DTL: variants seen among roughly 807,000 people sequenced by gnomAD.
DTL encodes denticleless E3 ubiquitin protein ligase adapter.
DTL carries 46 observed loss-of-function variants against 87.0 expected under a neutral mutation model. That is an observed-to-expected ratio of 0.53 (90% CI 0.42 to 0.68). DTL has a LOEUF of 0.68. DTL is among the 30% of genes least tolerant of loss of function. The probability of loss-of-function intolerance (pLI) is 0.00; values close to 1 mark genes in which losing one functional copy is unlikely to be tolerated. For synonymous variants in DTL, 308 were observed against 311.2 expected, an observed-to-expected ratio of 0.99 and a Z score of 0.11; for missense variants, 737 against 869.4, an observed-to-expected ratio of 0.85 and a Z score of 1.91.
chr1:212,068,506 T>C (rs2248191), intron 9 of DTL, 93 bp from the exon 10 acceptor site: 69,563 of 893,964 alleles, frequency 0.078, 7,736 homozygotes, highest in East Asian at 0.52. Flanking sequence ...CTGATGATGA[T>C]TCTTATGAAA....
At chr1:212,092,397 G>T (rs933495402) in intron 13 of DTL, among the ~76,000 whole-genome samples, 3 of 152,124 alleles carry the variant, frequency 2.0e-5, no homozygotes, top group Admixed American at 1.3e-4. Flanking sequence ...AGGTGTGGTG[G>T]TGCATGCCTG....
At chr1:212,047,010 T>G in intron 3 of DTL, 141 bp from the exon 4 acceptor site, 2 of 704,350 alleles carry the variant, frequency 2.8e-6, no homozygotes, top group Non-Finnish European at 4.8e-6. Context: ...GATATCTCAT[T>G]GTGGTTTTGA....
At chr1:212,060,775 A>C (rs1654264790) in intron 5 of DTL, among the ~76,000 whole-genome samples, 2 of 152,054 alleles carry the variant, frequency 1.3e-5, no homozygotes, top group Non-Finnish European at 2.9e-5. Flanking sequence ...ATAAAGACTT[A>C]AATGTAAGAC....
chr1:212,037,970 C>T (rs1054830536), intron 1 of DTL, among the ~76,000 whole-genome samples: 1 of 152,202 alleles, frequency 6.6e-6, no homozygotes, highest in Non-Finnish European at 1.5e-5. Context: ...TTCTGACACA[C>T]TTATTCCAGC....
chr1:212,045,565 T>C (rs1667783909), intron 3 of DTL, among the ~76,000 whole-genome samples: 2 of 152,104 alleles, frequency 1.3e-5, no homozygotes, highest in Non-Finnish European at 2.9e-5. Context: ...ACAAAGACTA[T>C]AAATGATGTA....
chr1:212,065,623 G>C (rs1284755092), intron 7 of DTL, among the ~76,000 whole-genome samples: 1 of 152,146 alleles, frequency 6.6e-6, no homozygotes, highest in Non-Finnish European at 1.5e-5. Context: ...GGGAGGAGTA[G>C]TTTGAAGAAG....
rs142262386 is a variant in DTL, at chr1:212,082,879, A to G, written c.1261+2129A>G. Among the ~76,000 whole-genome samples the G allele has an allele frequency of 9.2e-4, 140 of 152,342 alleles. 3 individuals carry two copies. The East Asian group carries it at 0.026, about 28-fold the overall frequency. ...ACTTGAGGCTAGCAATAATTAATTG[A>G]AAGTGAGCACTCCACATGGTTGTGT... On this transcript the variant is annotated intron_variant, in intron 13 of 14. Coordinates refer to ENST00000366991, the MANE Select transcript of DTL (RefSeq NM_016448.4).
intron 10 of DTL, among the ~76,000 whole-genome samples, chr1:212,069,890 C>G (rs951480002): frequency 6.6e-6 from 1 of 152,112 alleles, no homozygotes; most frequent in African/African-American, 2.4e-5. Flanking sequence ...TTCCAAAGAT[C>G]ACCCCAAGCA....
At chr1:212,091,350 G>A (rs1001492669) in intron 13 of DTL, among the ~76,000 whole-genome samples, 1 of 152,132 alleles carries the variant, frequency 6.6e-6, no homozygotes, top group Admixed American at 6.5e-5. Context: ...GTACACTGGT[G>A]GGAATGTAAA....
At chr1:212,047,539 A>C in intron 5 of DTL, 122 bp downstream of exon 5, 2 of 1,332,564 alleles carry the variant, frequency 1.5e-6, no homozygotes, top group East Asian at 4.6e-5. Context: ...TAGATGATTA[A>C]GATTCTTTTT....
chr1:212,070,587 G>C (rs139114845), intron 10 of DTL, among the ~76,000 whole-genome samples: 1,678 of 151,702 alleles, frequency 0.011, 31 homozygotes, highest in African/African-American at 0.038. Flanking sequence ...CTCCAGCCTG[G>C]GTGACAGAGT....
rs532156668 is a variant in DTL at position 212,100,844 on chromosome 1, C to T, written c.1854C>T (p.Ile618=). 9 of 1,614,140 alleles carry T rather than the reference C, an allele frequency of 5.6e-6. No individual in the cohort carries two copies. The South Asian group carries it at 7.7e-5, about 14-fold the overall frequency. ...SSKIEGAGTS[I]SEPPSPISPY... ...AAATTGAAGGAGCTGGTACCAGTAT[C>T]TCAGAGCCTCCGTCTCCTATCAGTC... The change falls in exon 14 of 15, where the codon ATC becomes ATT. Residue 618 remains isoleucine, a synonymous_variant. Transcript: ENST00000366991.
At chr1:212,048,285 G>A (rs994009165) in intron 5 of DTL, among the ~76,000 whole-genome samples, 1 of 152,098 alleles carries the variant, frequency 6.6e-6, no homozygotes. Flanking sequence ...CATCCCCCGG[G>A]TTCAAGCAAT....
At chr1:212,041,513 G>C (rs1453917952) in intron 1 of DTL, among the ~76,000 whole-genome samples, 1 of 118,878 alleles carries the variant, frequency 8.4e-6, no homozygotes, top group Admixed American at 1.0e-4. Flanking sequence ...TTGGCGGGGG[G>C]GTGGGGGGTG....
intron 5 of DTL, among the ~76,000 whole-genome samples, chr1:212,050,586 T>C (rs149413486): frequency 2.4e-4 from 36 of 152,352 alleles, no homozygotes; most frequent in African/African-American, 8.4e-4. Context: ...TTTTTCAAAG[T>C]TCCTCAAGGG....
chr1:212,044,619 T>G, intron 2 of DTL, 41 bp from the exon 3 acceptor site: 1 of 1,165,746 alleles, frequency 8.6e-7, no homozygotes. Context: ...AAAAAAAAAA[T>G]TGTGTTACTC....
intron 3 of DTL, among the ~76,000 whole-genome samples, chr1:212,046,755 A>C (rs752520421): frequency 1.3e-5 from 2 of 152,212 alleles, no homozygotes; most frequent in Non-Finnish European, 2.9e-5. Context: ...GAACATATGC[A>C]TGCATGTATC....
rs1005962314 is a variant in DTL, at chr1:212,104,286, A to G, written c.*1346A>G. 1.0e-4 allele frequency: 2 copies of G among 19,798 alleles called. No homozygotes were observed. The highest frequency in any genetic ancestry group is 2.7e-4 in the Non-Finnish European group (2 of 7,344). 1.2% of individuals were successfully genotyped at this position (19,798 alleles called of 1,614,324 possible). ...TGTCAGTTTTTGTCATTATTTGAAAATCTATTCTGACAACTTTTTAATTCC... is the reference window on the plus strand; with the variant it reads ...TGTCAGTTTTTGTCATTATTTGAAAGTCTATTCTGACAACTTTTTAATTCC... On this transcript the variant is annotated 3_prime_UTR_variant, in exon 15 of 15. Transcript: ENST00000366991.
At chr1:212,066,146 T>A (rs1265381948) in intron 7 of DTL, among the ~76,000 whole-genome samples, 3 of 152,150 alleles carry the variant, frequency 2.0e-5, no homozygotes, top group Non-Finnish European at 4.4e-5. Context: ...CTCACTTTAA[T>A]GTAATTTTTT....
Sources: gnomAD v4.1 joint callset for allele counts (sites outside exome capture counted in the v4.1 genomes callset) on GRCh38, gnomAD v4.1.1 for gene constraint, MANE v1.5 for transcripts, NCBI Gene and HGNC (gene_info 2026-07-23, HGNC 2026-07-21) for gene names.